Variants in KCNC2 observed in about 807,000 individuals in gnomAD.
KCNC2 encodes potassium voltage-gated channel subfamily C member 2.
In KCNC2, 21 loss-of-function variants were observed where a neutral mutation model predicts 44.5. That is an observed-to-expected ratio of 0.47 (90% confidence interval 0.33 to 0.68). KCNC2 has a LOEUF of 0.68. Ranked by LOEUF, KCNC2 falls within the 30% of genes least tolerant of loss-of-function variation. The probability of loss-of-function intolerance (pLI) is 0.01; values close to 1 mark genes in which losing one functional copy is unlikely to be tolerated. For synonymous variants in KCNC2, 391 were observed against 339.1 expected (o/e 1.15, Z -1.68); for missense variants, 589 against 826.2 (o/e 0.71, Z 3.52).
intron 2 of KCNC2, among the ~76,000 whole-genome samples, chr12:75,091,386 AGAATTTGCT>A (rs1885459974): frequency 6.6e-6 from 1 of 151,740 alleles, no homozygotes; most frequent in African/African-American, 2.4e-5. Flanking sequence ...GCAAAAGCAA[AGAATTTGCT>A]GAATGATCAT....
At chr12:75,043,577 G>T in intron 4 of KCNC2, 1 of 1,210,810 alleles carries the variant, frequency 8.3e-7, no homozygotes, top group Non-Finnish European at 1.1e-6. Flanking sequence ...ATATAAGCTT[G>T]ACTAATATTT....
chr12:75,085,224 C>T (rs561639722), intron 2 of KCNC2, among the ~76,000 whole-genome samples: 27 of 152,102 alleles, frequency 1.8e-4, no homozygotes, highest in African/African-American at 6.5e-4. Context: ...TAGTGGATTT[C>T]ATATTATTAC....
At chr12:75,104,943 T>A (rs1886660741) in intron 2 of KCNC2, among the ~76,000 whole-genome samples, 1 of 152,126 alleles carries the variant, frequency 6.6e-6, no homozygotes, top group Non-Finnish European at 1.5e-5. Flanking sequence ...TCAACAAATT[T>A]TTTTAGTATC....
At chr12:75,142,077 A>G (rs1489278123) in intron 2 of KCNC2, among the ~76,000 whole-genome samples, 4 of 152,194 alleles carry the variant, frequency 2.6e-5, no homozygotes, top group African/African-American at 9.6e-5. Context: ...CTAGAAGCTG[A>G]TTACCTAATC....
intron 2 of KCNC2, among the ~76,000 whole-genome samples, chr12:75,086,431 AGTTTT>A (rs906503180): frequency 6.6e-5 from 10 of 151,948 alleles, no homozygotes; most frequent in Admixed American, 2.0e-4. Flanking sequence ...AATAAAATGC[AGTTTT>A]GTATGTTAAT....
rs551553336 is a variant in KCNC2, at chr12:75,122,551, A to C, written c.688-71234T>G. Among the ~76,000 whole-genome samples the C allele has an allele frequency of 2.6e-5, 4 of 152,326 alleles. No homozygotes were observed. The South Asian group carries it at 8.3e-4, about 32-fold the overall frequency. ...CGTAGTCCTACATTTAAGATAAGGAAAGTAGAATTCATCTCCTCCACATGG... is the reference window on the plus strand; with the variant it reads ...CGTAGTCCTACATTTAAGATAAGGACAGTAGAATTCATCTCCTCCACATGG... On this transcript the variant is annotated intron_variant, in intron 2 of 4. Coordinates refer to ENST00000549446, the MANE Select transcript of KCNC2 (RefSeq NM_139137.4).
chr12:75,113,995 T>C (rs1296169164), intron 2 of KCNC2, among the ~76,000 whole-genome samples: 2 of 152,162 alleles, frequency 1.3e-5, no homozygotes, highest in Non-Finnish European at 2.9e-5. Context: ...CATACACATA[T>C]ATACACACAC....
At chr12:75,201,134 T>C (rs1486598602) in intron 2 of KCNC2, among the ~76,000 whole-genome samples, 1 of 150,634 alleles carries the variant, frequency 6.6e-6, no homozygotes, top group Non-Finnish European at 1.5e-5. Context: ...GATCAATATG[T>C]GGTTGAGAGA....
chr12:75,117,291 T>C (rs1453299285), intron 2 of KCNC2, among the ~76,000 whole-genome samples: 1 of 152,104 alleles, frequency 6.6e-6, no homozygotes, highest in Non-Finnish European at 1.5e-5. Flanking sequence ...CTGGAAAAAA[T>C]ACAAGCTGCA....
chr12:75,198,574 T>A (rs2030972193), intron 2 of KCNC2, among the ~76,000 whole-genome samples: 1 of 151,836 alleles, frequency 6.6e-6, no homozygotes, highest in Non-Finnish European at 1.5e-5. Context: ...TGTTATATTT[T>A]CCTAAATACC....
In KCNC2 at chr12:75,199,080, T is replaced by C. The variant is rs149595146; in HGVS notation, c.687+8217A>G. Among the ~76,000 whole-genome samples the C allele has an allele frequency of 5.5e-3, 838 of 151,940 alleles. 5 individuals are homozygous for C. Among genetic ancestry groups the C allele is most frequent in the African/African-American group, 0.019 (784 of 41,516 alleles). ...ATAAGAGAATTTATGCAACCAAAAG[T>C]TGATTACTTTTTCTTTCTAGGTCTC... On this transcript the variant is annotated intron_variant, in intron 2 of 4. Transcript: ENST00000549446.
At chr12:75,130,781 T>TAA (rs1224440806) in intron 2 of KCNC2, among the ~76,000 whole-genome samples, 2,843 of 122,598 alleles carry the variant, frequency 0.023, 76 homozygotes, top group African/African-American at 0.069. Context: ...CTCCTAGTAA[T>TAA]AAAAAAAAAA....
chr12:75,093,654 T>G (rs1220352128), intron 2 of KCNC2, among the ~76,000 whole-genome samples: 1 of 151,662 alleles, frequency 6.6e-6, no homozygotes, highest in Non-Finnish European at 1.5e-5. Flanking sequence ...TGGGCCTTCA[T>G]TTAGATATGC....
At chr12:75,197,419 A>C (rs989978573) in intron 2 of KCNC2, among the ~76,000 whole-genome samples, 7 of 152,006 alleles carry the variant, frequency 4.6e-5, no homozygotes, top group Non-Finnish European at 7.4e-5. Context: ...TTTTTGGAAA[A>C]TGCCTACTTA....
At chr12:75,090,382 TC>T (rs1449122813) in intron 2 of KCNC2, among the ~76,000 whole-genome samples, 1 of 151,736 alleles carries the variant, frequency 6.6e-6, no homozygotes, top group African/African-American at 2.4e-5. Context: ...ATATTTTTTT[TC>T]CTCTCCACCC....
At chr12:75,138,750 G>T (rs1184830706) in intron 2 of KCNC2, among the ~76,000 whole-genome samples, 1 of 152,012 alleles carries the variant, frequency 6.6e-6, no homozygotes, top group Non-Finnish European at 1.5e-5. Context: ...GGAGGCCGAG[G>T]CGGTCAGATC....
intron 2 of KCNC2, among the ~76,000 whole-genome samples, chr12:75,195,533 C>G (rs866803435): frequency 6.6e-6 from 1 of 152,076 alleles, no homozygotes. Context: ...ACATTCTTGA[C>G]TTTTCTTGTT....
chr12:75,179,019 G>A (rs900955119), intron 2 of KCNC2, among the ~76,000 whole-genome samples: 3 of 151,698 alleles, frequency 2.0e-5, no homozygotes, highest in Admixed American at 1.3e-4. Flanking sequence ...ACAGTAGAAG[G>A]AAATCTCCTT....
chr12:75,150,980 G>A (rs75472645), intron 2 of KCNC2, among the ~76,000 whole-genome samples: 2,206 of 151,868 alleles, frequency 0.015, 45 homozygotes, highest in African/African-American at 0.05. Flanking sequence ...CCATTAGTAT[G>A]GTGGATTATA....
Sources: gnomAD v4.1 joint callset for allele counts (sites outside exome capture counted in the v4.1 genomes callset) on GRCh38, gnomAD v4.1.1 for gene constraint, MANE v1.5 for transcripts, NCBI Gene and HGNC (gene_info 2026-07-23, HGNC 2026-07-21) for gene names.